The following SYT8 variants were observed in gnomAD, a reference collection of about 807,000 sequenced individuals.
SYT8 encodes synaptotagmin-8.
In SYT8, 50 loss-of-function variants were observed where a neutral mutation model predicts 34.9. The observed-to-expected ratio is 1.43, with a 90% CI of 1.14 to 1.81. SYT8 has a LOEUF of 1.81. Among genes scored for constraint, SYT8 ranks in the 40% most tolerant of loss-of-function variants. SYT8 has a pLI of 0.00. For synonymous variants in SYT8, 255 were observed against 234.2 expected (o/e 1.09, Z -0.81); for missense variants, 595 against 529.0 (o/e 1.12, Z -1.22).
chr11:1,834,914 G>C (rs1846815236), upstream of SYT8: 1 of 643,472 alleles, frequency 1.6e-6, no homozygotes, highest in Non-Finnish European at 2.7e-6. The surrounding 1 kb of genome is among the most constrained non-coding windows in gnomAD (Gnocchi z 4.5). Flanking sequence ...CCAGGGTCCA[G>C]AGCCTCCCTC....
upstream of SYT8, chr11:1,833,815 C>CGTGTGTGTGTGTGT (rs3837417): frequency 7.1e-6 from 1 of 141,690 alleles, no homozygotes; most frequent in African/African-American, 2.7e-5. Context: ...TGTGCGCGTG[C>CGTGTGTGTGTGTGT]GTGTGTGTGT....
intron 5 of SYT8, 28 bp from the exon 6 acceptor site, chr11:1,836,728 G>T: frequency 6.2e-7 from 1 of 1,604,032 alleles, no homozygotes. Flanking sequence ...TCACCCTCCC[G>T]GGCTGAAGCC....
chr11:1,831,892 G>T, upstream of SYT8: 1 of 405,212 alleles, frequency 2.5e-6, no homozygotes, highest in South Asian at 1.7e-5. Context: ...AGTGGTGGGC[G>T]TCAGGTGAGA....
chr11:1,835,858 A>T, intron 2 of SYT8, 28 bp from the exon 3 acceptor site: 1 of 1,584,708 alleles, frequency 6.3e-7, no homozygotes. Flanking sequence ...TGTCAGCACC[A>T]CCTGCCCCTT....
In SYT8 at chr11:1,837,347, C is replaced by A. The variant is rs766208850; in HGVS notation, c.1080C>A (p.His360Gln). Residue 360 changes from histidine to glutamine, a missense_variant, in exon 8 of 8, where the codon CAC becomes CAA. Coordinates refer to ENST00000341958, the MANE Select transcript of SYT8 (RefSeq NM_001394072.1). Reference protein sequence around the residue: ...AHARRPIAQRHPLRPAREVDR... With the variant: ...AHARRPIAQRQPLRPAREVDR... ...CCCGGCGGCCCATTGCCCAGCGGCA[C>A]CCCCTGCGGCCAGCCAGGGAGGTGG... 1.1e-5 allele frequency: 17 copies of A among 1,593,596 alleles called. No homozygotes were observed. The Admixed American group carries it at 2.0e-4, about 19-fold the overall frequency.
chr11:1,834,394 G>C (rs1233338259), upstream of SYT8: 1 of 657,390 alleles, frequency 1.5e-6, no homozygotes, highest in Non-Finnish European at 2.7e-6. The surrounding 1 kb of genome is among the most constrained non-coding windows in gnomAD (Gnocchi z 4.5). Context: ...GCTGCACCCT[G>C]CCCCTACCTG....
rs762146973 is a variant in SYT8 at position 1,835,609 on chromosome 11, G to A, written c.258+150G>A. The A allele has an allele frequency of 9.5e-6, 9 of 949,650 alleles. No homozygotes were observed. The African/African-American group carries it at 1.1e-4, about 12-fold the overall frequency. 58.8% of individuals were successfully genotyped at this position (949,650 alleles called of 1,614,324 possible). A position where few individuals can be genotyped will look rare whatever the true frequency, so the allele number is the denominator to read the frequency against. On this transcript the variant is annotated intron_variant, in intron 2 of 7. Transcript: ENST00000341958. ...GACCTTCCTGGCAGGGAAAGTGGGT[G>A]AACAGAGGTGAGAAGGAGGCCATGC...
At chr11:1,836,654 G>T in intron 5 of SYT8, 62 bp downstream of exon 5, 2 of 1,595,490 alleles carry the variant, frequency 1.3e-6, no homozygotes, top group Non-Finnish European at 1.7e-6. Flanking sequence ...TGCCCTATGG[G>T]CCATCGGAAA....
At chr11:1,834,760 G>A (rs993103180), upstream of SYT8, 18 of 811,994 alleles carry the variant, frequency 2.2e-5, no homozygotes, top group Non-Finnish European at 2.8e-5. This position sits in a 1 kb window ranked among gnomAD's most constrained non-coding sequence, Gnocchi z 4.5. Context: ...GGTGGAGGAC[G>A]CATCCTACAG....
Position 1,836,571 on chromosome 11 carries a change from G to C in SYT8, c.663G>C (p.Leu221=). 1 of 1,611,574 alleles carries C rather than the reference G, an allele frequency of 6.2e-7. No homozygotes were observed. Among genetic ancestry groups the C allele is most frequent in the East Asian group, 2.2e-5 (1 of 44,882 alleles). Residue 221 remains leucine, a synonymous_variant, in exon 5 of 8, where the codon CTG becomes CTC. Coordinates refer to ENST00000341958, the MANE Select transcript of SYT8 (RefSeq NM_001394072.1). ...LQHVLEHWYL[L]GPPAATQPEQ... ...ATGTTCTGGAGCACTGGTACCTGCT[G>C]GGCCCGCCGGCTGCCACTCAGGTGA...
At chr11:1,831,810 C>A (rs745373288), upstream of SYT8, 3 of 455,562 alleles carry the variant, frequency 6.6e-6, no homozygotes, top group South Asian at 4.7e-5. Context: ...TCACCAGAGG[C>A]AGTGCTGTCC....
chr11:1,834,707 T>G, upstream of SYT8: 1 of 1,243,810 alleles, frequency 8.0e-7, no homozygotes, highest in Non-Finnish European at 1.1e-6. The surrounding 1 kb of genome is among the most constrained non-coding windows in gnomAD (Gnocchi z 4.5). Context: ...GGGCCCAGGG[T>G]CCAGGGCCCA....
chr11:1,832,680 G>GA (rs1846711288), upstream of SYT8, among the ~76,000 whole-genome samples: 1 of 152,144 alleles, frequency 6.6e-6, no homozygotes. Flanking sequence ...GGTCCGGAGG[G>GA]ACCCCGCACC....
In SYT8 at chr11:1,836,213, G is replaced by A. The variant is rs762336761; in HGVS notation, c.445G>A (p.Gly149Arg). 2.0e-5 allele frequency: 32 copies of A among 1,591,026 alleles called. No individual in the cohort carries two copies. Among genetic ancestry groups the A allele is most frequent in the East Asian group, 4.5e-5 (2 of 44,020 alleles). Reference protein sequence around the residue: ...YARVSVSTQAGHRHETKVHRG... With the variant: ...YARVSVSTQARHRHETKVHRG... ...CCGGGTCAGCGTCTCCACCCAGGCC[G>A]GACACAGACATGAGACAAAAGTGCA... Residue 149 changes from glycine to arginine, a missense_variant, in exon 4 of 8, where the codon GGA (glycine) becomes AGA (arginine). Physicochemically the swap from Gly to Arg is moderately radical, Grantham distance 125. Coordinates refer to ENST00000341958, the MANE Select transcript of SYT8 (RefSeq NM_001394072.1).
At chr11:1,831,873 G>A, upstream of SYT8, 2 of 429,504 alleles carry the variant, frequency 4.7e-6, no homozygotes, top group Non-Finnish European at 4.8e-6. Flanking sequence ...TGGCTGGCCG[G>A]CCACAGGAAG....
chr11:1,836,483 G>A lies in SYT8; in HGVS notation c.575G>A (p.Arg192His), dbSNP rs746451834. Residue 192 changes from arginine to histidine, a missense_variant, in exon 5 of 8, where the codon CGC (arginine) becomes CAC (histidine). Arg to His is a conservative substitution (Grantham distance 29). Coordinates refer to ENST00000341958, the MANE Select transcript of SYT8 (RefSeq NM_001394072.1). ...CAGGTGCAGCTTTTCAACTTCAAGC[G>A]CTTCTCGGGGCATGAGCCCCTGGGT... ...TLQVQLFNFKRFSGHEPLGEL... is the reference protein window; with the variant it reads ...TLQVQLFNFKHFSGHEPLGEL... 33 of 1,611,122 alleles carry A rather than the reference G, an allele frequency of 2.0e-5. 1 individual carries two copies. Among genetic ancestry groups the A allele is most frequent in the South Asian group, 8.8e-5 (8 of 90,848 alleles).
rs1589787728 is a variant in SYT8, at chr11:1,835,204, G to A, written c.94+5G>A. On this transcript the variant is annotated splice_donor_5th_base_variant and intron_variant, in intron 1 of 7. Coordinates refer to ENST00000341958, the MANE Select transcript of SYT8 (RefSeq NM_001394072.1). Reference sequence around the variant, plus strand: ...ACCTTGTCGCCGGGACCCCCTGTGAGTTGTGGGATTCCCAAGAGGGGTGTG... The same window carrying A: ...ACCTTGTCGCCGGGACCCCCTGTGAATTGTGGGATTCCCAAGAGGGGTGTG... 5 of 1,613,016 alleles carry A rather than the reference G, an allele frequency of 3.1e-6. No homozygotes were observed. The highest frequency in any genetic ancestry group is 4.2e-6 in the Non-Finnish European group (5 of 1,179,772).
rs546530630 is a variant in SYT8 at position 1,836,576 on chromosome 11, C to T, written c.668C>T (p.Pro223Leu). The change falls in exon 5 of 8, where the codon CCG becomes CTG. Residue 223 changes from proline (P) to leucine (L), a missense_variant. Physicochemically the swap from Pro to Leu is moderately conservative, Grantham distance 98. Coordinates refer to ENST00000341958, the MANE Select transcript of SYT8 (RefSeq NM_001394072.1). ...HVLEHWYLLG[P>L]PAATQPEQVG... ...CTGGAGCACTGGTACCTGCTGGGCC[C>T]GCCGGCTGCCACTCAGGTGAGGTGC... 243 of 1,610,962 alleles carry T rather than the reference C, an allele frequency of 1.5e-4. No homozygotes were observed. The highest frequency in any genetic ancestry group is 4.9e-4 in the South Asian group (45 of 90,936).
upstream of SYT8, among the ~76,000 whole-genome samples, chr11:1,832,197 GA>G (rs1846691943): frequency 6.6e-6 from 1 of 152,178 alleles, no homozygotes; most frequent in Admixed American, 6.5e-5. Context: ...GGGTTCCCTG[GA>G]AGAGGTGGGC....
Sources: allele counts gnomAD v4.1 joint callset (sites outside exome capture counted in the v4.1 genomes callset), GRCh38; gene constraint gnomAD v4.1.1; non-coding constraint Gnocchi (gnomAD v3.1); transcripts MANE v1.5; gene names NCBI Gene and HGNC (gene_info 2026-07-23, HGNC 2026-07-21).